Variants in BCL7C observed in about 807,000 individuals in gnomAD.
The protein encoded by BCL7C is B-cell CLL/lymphoma 7 protein family member C.
Under a neutral mutation model 26.2 loss-of-function variants are expected in BCL7C, and 8 were observed. That is an observed-to-expected ratio of 0.30 (90% confidence interval 0.18 to 0.55). The LOEUF is 0.55. Among genes scored for constraint, BCL7C ranks in the 20% least tolerant of loss-of-function variants. The pLI, the probability that BCL7C is intolerant of heterozygous loss-of-function variation, is 0.93. For missense variants in BCL7C, 262 were observed against 298.5 expected, an observed-to-expected ratio of 0.88 and a Z score of 0.90; for synonymous variants, 90 against 116.5, an observed-to-expected ratio of 0.77 and a Z score of 1.47.
intron 5 of BCL7C, among the ~76,000 whole-genome samples, chr16:30,868,346 C>T (rs2054848277): frequency 6.8e-6 from 1 of 147,112 alleles, no homozygotes; most frequent in African/African-American, 2.5e-5. Flanking sequence ...ACCATGTTAG[C>T]CAGGATGGTC....
At chr16:30,876,691 G>A (rs34640030) in intron 5 of BCL7C, among the ~76,000 whole-genome samples, 1,908 of 152,262 alleles carry the variant, frequency 0.013, 21 homozygotes, top group Non-Finnish European at 0.02. Flanking sequence ...CAAAGCCTGA[G>A]ATAAGAGAGA....
At chr16:30,882,237 C>A (rs898870700) in intron 5 of BCL7C, among the ~76,000 whole-genome samples, 1 of 152,106 alleles carries the variant, frequency 6.6e-6, no homozygotes, top group Non-Finnish European at 1.5e-5. Context: ...TGCTAGCCAC[C>A]ACGCCCGGCC....
rs146669935 is a variant in BCL7C at position 30,891,586 on chromosome 16, C to T, written c.442+1000G>A. ...CTATTATTGTTAATCACCCCTATGA[C>T]TATCACTATTATTTATTCACTCAAC... On this transcript the variant is annotated intron_variant, in intron 4 of 5. Coordinates refer to ENST00000215115, the MANE Select transcript of BCL7C (RefSeq NM_004765.4). Among the ~76,000 whole-genome samples, 816 of 152,294 alleles carry T rather than the reference C, an allele frequency of 5.4e-3. 6 individuals carry two copies. The highest frequency in any genetic ancestry group is 6.3e-3 in the Non-Finnish European group (432 of 68,032).
At chr16:30,856,439 T>TA (rs61380254) in intron 5 of BCL7C, among the ~76,000 whole-genome samples, 81,856 of 116,418 alleles carry the variant, frequency 0.7, 28,978 homozygotes, top group East Asian at 0.9. Flanking sequence ...AGACTCCGTC[T>TA]AAAAAAAAAA....
At chr16:30,846,849 A>G (rs2054639882) in intron 5 of BCL7C, among the ~76,000 whole-genome samples, 1 of 152,244 alleles carries the variant, frequency 6.6e-6, no homozygotes, top group African/African-American at 2.4e-5. Context: ...CATGGCCTGC[A>G]GTAGCATTCC....
At chr16:30,873,932 C>CAT (rs140558875) in intron 5 of BCL7C, among the ~76,000 whole-genome samples, 102,360 of 136,418 alleles carry the variant, frequency 0.75, 37,928 homozygotes, top group East Asian at 0.92. Flanking sequence ...TCTCTATATA[C>CAT]ATATATATAT....
At position 30,841,533 on chromosome 16, in the gene BCL7C, C is replaced by CGCCTA. The variant is rs370114601; in HGVS notation, c.529-6390_529-6386dup. ...TGAAGTTATCTACTGGGAAATCTAG[C>CGCCTA]GCCTATTGTTCGAAGGATACAGTCT... On this transcript the variant is annotated intron_variant, in intron 5 of 5. Coordinates refer to the BCL7C transcript ENST00000380317. Among the ~76,000 whole-genome samples the CGCCTA allele has an allele frequency of 3.8e-4, 58 of 152,294 alleles. 1 individual carries two copies. Among genetic ancestry groups the CGCCTA allele is most frequent in the African/African-American group, 1.3e-3 (56 of 41,556 alleles).
At chr16:30,874,989 G>GC (rs1400654729) in intron 5 of BCL7C, among the ~76,000 whole-genome samples, 1 of 152,182 alleles carries the variant, frequency 6.6e-6, no homozygotes, top group African/African-American at 2.4e-5. Context: ...CTGCGGCAAC[G>GC]CGAGGGACAG....
chr16:30,866,699 G>GGC (rs1388129513), intron 5 of BCL7C, among the ~76,000 whole-genome samples: 1 of 152,036 alleles, frequency 6.6e-6, no homozygotes, highest in Admixed American at 6.6e-5. Context: ...TGTAAAATAA[G>GGC]GCGGAAAGAA....
chr16:30,879,605 C>T (rs1233119880), intron 5 of BCL7C, among the ~76,000 whole-genome samples: 1 of 146,870 alleles, frequency 6.8e-6, no homozygotes, highest in Non-Finnish European at 1.5e-5. Flanking sequence ...CCTGTAATCC[C>T]AGCACTTTGT....
At chr16:30,846,729 G>A (rs761710536) in intron 5 of BCL7C, among the ~76,000 whole-genome samples, 4 of 152,218 alleles carry the variant, frequency 2.6e-5, no homozygotes, top group African/African-American at 4.8e-5. Context: ...CACTGGGAGT[G>A]ATCCCAGGAG....
chr16:30,875,751 A>G (rs1255262984), intron 5 of BCL7C: 1 of 152,260 alleles, frequency 6.6e-6, no homozygotes, highest in Non-Finnish European at 1.5e-5. Context: ...GGTGATTCCA[A>G]AATATAAAGG....
At chr16:30,861,594 G>A (rs2054773126) in intron 5 of BCL7C, among the ~76,000 whole-genome samples, 1 of 152,162 alleles carries the variant, frequency 6.6e-6, no homozygotes, top group Non-Finnish European at 1.5e-5. Context: ...CTCTCTGACT[G>A]ACTCCTTCCC....
At chr16:30,853,234 G>A (rs183424462) in intron 5 of BCL7C, among the ~76,000 whole-genome samples, 4 of 152,100 alleles carry the variant, frequency 2.6e-5, no homozygotes, top group Admixed American at 1.3e-4. Context: ...CACTGCACCC[G>A]GCCAACTTTT....
rs375626334 is a variant in BCL7C at position 30,871,781 on chromosome 16, G to A, written c.528+17079C>T. 7.2e-5 allele frequency among the ~76,000 whole-genome samples: 11 copies of A among 151,986 alleles called. No individual in the cohort carries two copies. The East Asian group carries it at 1.2e-3, about 16-fold the overall frequency. ...ATTACAGGTGTGAGCCATCGCACCCGGCCACTATTTTGTTTTATAGGGTCC... is the reference window on the plus strand; with the variant it reads ...ATTACAGGTGTGAGCCATCGCACCCAGCCACTATTTTGTTTTATAGGGTCC... On this transcript the variant is annotated intron_variant, in intron 5 of 5. Transcript: ENST00000380317.
In BCL7C at chr16:30,834,209, C is replaced by T. The variant is rs1430613757; in HGVS notation, c.*739G>A. On this transcript the variant is annotated 3_prime_UTR_variant, in exon 6 of 6. Coordinates refer to the BCL7C transcript ENST00000380317. This position sits in a 1 kb window ranked among gnomAD's most constrained non-coding sequence, Gnocchi z 4.3. Reference sequence around the variant, plus strand: ...TTCCAGGTAGGTTAGGCCACCAGCTCAGGGCTGCGCCAGAAGTCTCCACGC... The same window carrying T: ...TTCCAGGTAGGTTAGGCCACCAGCTTAGGGCTGCGCCAGAAGTCTCCACGC... 6.6e-6 allele frequency: 1 copy of T among 152,252 alleles called. No homozygotes were observed. The highest frequency in any genetic ancestry group is 1.5e-5 in the Non-Finnish European group (1 of 68,062). 9.4% of individuals were successfully genotyped at this position (152,252 alleles called of 1,614,324 possible).
rs2055305321 is a variant in BCL7C at position 30,893,987 on chromosome 16, C to T, written c.-43G>A. 1.8e-6 allele frequency: 2 copies of T among 1,103,408 alleles called. No homozygotes were observed. Among genetic ancestry groups the T allele is most frequent in the East Asian group, 8.3e-5 (2 of 24,126 alleles). 68.4% of individuals were successfully genotyped at this position (1,103,408 alleles called of 1,614,324 possible). A position where few individuals can be genotyped will look rare whatever the true frequency, so the allele number is the denominator to read the frequency against. On this transcript the variant is annotated 5_prime_UTR_variant, in exon 1 of 6. Transcript: ENST00000215115. The surrounding 1 kb of genome is among the most constrained non-coding windows in gnomAD (Gnocchi z 5.2). The stretch of plus-strand genomic sequence containing the variant: ...CGGGGCCGAGCCCGCGGCGGGGCCG[C>T]CTCCCGTCCGGCGGGCTCAGGCTCC...
intron 5 of BCL7C, among the ~76,000 whole-genome samples, chr16:30,842,063 T>G (rs570421957): frequency 2.0e-5 from 3 of 151,594 alleles, no homozygotes; most frequent in Non-Finnish European, 4.4e-5. Flanking sequence ...TTTATTCCCG[T>G]GTTCACCCCC....
chr16:30,835,913 AG>A (rs2054566601), intron 5 of BCL7C, among the ~76,000 whole-genome samples: 1 of 151,884 alleles, frequency 6.6e-6, no homozygotes, highest in Admixed American at 6.6e-5. Context: ...GCACTTTGGG[AG>A]GGAGGCCAAA....
Sources: gnomAD v4.1 joint callset for allele counts (sites outside exome capture counted in the v4.1 genomes callset) on GRCh38, gnomAD v4.1.1 for gene constraint, Gnocchi (gnomAD v3.1) non-coding constraint, MANE v1.5 for transcripts, NCBI Gene and HGNC (gene_info 2026-07-23, HGNC 2026-07-21) for gene names.